NWD2: variants seen among roughly 807,000 people sequenced by gnomAD.
NWD2 encodes the protein NACHT and WD repeat domain-containing protein 2.
NWD2 carries 37 observed loss-of-function variants against 132.7 expected under a neutral mutation model. The ratio of observed to expected loss-of-function variants is 0.28; its 90% CI spans 0.21 to 0.37. The LOEUF (loss-of-function observed/expected upper bound fraction) is 0.37. Ranked by LOEUF, NWD2 falls within the 10% of genes least tolerant of loss-of-function variation. The pLI is 1.00. For synonymous variants in NWD2, 705 were observed against 803.0 expected, an observed-to-expected ratio of 0.88 and a Z score of 2.06; for missense variants, 1,592 against 2,122.4, an observed-to-expected ratio of 0.75 and a Z score of 4.91.
chr4:37,265,105 A>G (rs1015153304), intron 1 of NWD2, among the ~76,000 whole-genome samples: 28 of 152,280 alleles, frequency 1.8e-4, no homozygotes, highest in Middle Eastern at 3.4e-3. Flanking sequence ...AAACTCCCCA[A>G]AAAGCGCGGG....
intron 1 of NWD2, among the ~76,000 whole-genome samples, chr4:37,267,246 C>G (rs1373913836): frequency 6.6e-6 from 1 of 151,956 alleles, no homozygotes; most frequent in Non-Finnish European, 1.5e-5. Flanking sequence ...TTTTCCATAT[C>G]TTGCAAAGAT....
At chr4:37,278,892 G>A (rs1369718465) in intron 1 of NWD2, among the ~76,000 whole-genome samples, 1 of 152,108 alleles carries the variant, frequency 6.6e-6, no homozygotes, top group Non-Finnish European at 1.5e-5. Flanking sequence ...GTTTTGCCAA[G>A]TGCAGCATAC....
Position 37,344,109 on chromosome 4 carries a change from A to T in NWD2, c.241-12257A>T, listed in dbSNP as rs145914357. Reference sequence around the variant, plus strand: ...CAAGTTAGTATTCCAATAAATAGTAAATTAGATTCTAGACTCTGCAGTGCC... The same window carrying T: ...CAAGTTAGTATTCCAATAAATAGTATATTAGATTCTAGACTCTGCAGTGCC... On this transcript the variant is annotated intron_variant, in intron 2 of 6. Coordinates refer to ENST00000309447, the MANE Select transcript of NWD2 (RefSeq NM_001144990.2). 1.3e-4 allele frequency among the ~76,000 whole-genome samples: 20 copies of T among 152,326 alleles called. No individual in the cohort carries two copies. In the East Asian group the frequency reaches 3.7e-3, roughly 28 times the overall value.
At chr4:37,367,025 C>T (rs987084560) in intron 3 of NWD2, among the ~76,000 whole-genome samples, 2 of 152,040 alleles carry the variant, frequency 1.3e-5, no homozygotes, top group South Asian at 4.2e-4. Flanking sequence ...CAAAATATAC[C>T]TTTTTTCAAT....
chr4:37,359,024 C>G (rs868292), intron 3 of NWD2, among the ~76,000 whole-genome samples: 1 of 152,178 alleles, frequency 6.6e-6, no homozygotes, highest in Admixed American at 6.5e-5. Context: ...ATCTCCACAG[C>G]TTTACCGTAA....
intron 3 of NWD2, among the ~76,000 whole-genome samples, chr4:37,381,820 A>G (rs1421816451): frequency 1.3e-5 from 2 of 152,236 alleles, no homozygotes; most frequent in African/African-American, 4.8e-5. Context: ...CAAAGGGAGA[A>G]ATTAAAGTTT....
rs1712531687 is a variant in NWD2, at chr4:37,443,224, G to A, written c.1297-61G>A. The A allele has an allele frequency of 1.5e-6, 2 of 1,376,440 alleles. No individual in the cohort carries two copies. Among genetic ancestry groups the A allele is most frequent in the Admixed American group, 2.2e-5 (1 of 45,746 alleles). The allele number at this position is 1,376,440 out of a possible 1,614,324, so 85.3% of individuals were successfully genotyped here. A position where few individuals can be genotyped will look rare whatever the true frequency, so the allele number is the denominator to read the frequency against. On this transcript the variant is annotated intron_variant, in intron 6 of 6. Transcript: ENST00000309447. This position sits in a 1 kb window ranked among gnomAD's most constrained non-coding sequence, Gnocchi z 4.1. ...AATCTGAGCTCTGGAGAGAGGCAAT[G>A]TTATCACATATGACCATGTGAATAC...
chr4:37,324,846 A>G (rs1719138393), intron 1 of NWD2, among the ~76,000 whole-genome samples: 1 of 152,180 alleles, frequency 6.6e-6, no homozygotes, highest in African/African-American at 2.4e-5. Flanking sequence ...ACAGTAGGAA[A>G]ATAGAGTAGG....
intron 3 of NWD2, among the ~76,000 whole-genome samples, chr4:37,368,572 G>T (rs985517331): frequency 1.4e-4 from 21 of 152,144 alleles, no homozygotes; most frequent in Non-Finnish European, 2.8e-4. Context: ...TATAATATTA[G>T]TTAGCTGCTA....
intron 1 of NWD2, among the ~76,000 whole-genome samples, chr4:37,291,442 A>G (rs1033105946): frequency 6.6e-6 from 1 of 152,174 alleles, no homozygotes; most frequent in African/African-American, 2.4e-5. Flanking sequence ...AGTAGGTTCC[A>G]TACAGATATT....
At chr4:37,414,570 A>C (rs1721226649) in intron 3 of NWD2, among the ~76,000 whole-genome samples, 1 of 152,196 alleles carries the variant, frequency 6.6e-6, no homozygotes, top group South Asian at 2.1e-4. Flanking sequence ...TACCTTGTTT[A>C]ATATCATTCA....
At chr4:37,329,403 G>A (rs73240374) in intron 2 of NWD2, among the ~76,000 whole-genome samples, 28,459 of 152,118 alleles carry the variant, frequency 0.19, 2,770 homozygotes, top group South Asian at 0.32. Flanking sequence ...GGGCATGCCA[G>A]GTAGTCAGAG....
intron 3 of NWD2, among the ~76,000 whole-genome samples, chr4:37,373,007 A>G (rs542040371): frequency 2.6e-5 from 4 of 152,346 alleles, no homozygotes; most frequent in African/African-American, 7.2e-5. Context: ...AGACTAAATC[A>G]AGGAGGAAAT....
Position 37,407,075 on chromosome 4 carries a change from G to T in NWD2, c.358-23497G>T, listed in dbSNP as rs568174792. On this transcript the variant is annotated intron_variant, in intron 3 of 6. Transcript: ENST00000309447. ...CAGGGAGGGGCCTGTCAGCAGGGTG[G>T]GGGGCTAGGGGAAGGAGGGCATTAG... is the stretch of plus-strand genomic sequence containing the variant. Among the ~76,000 whole-genome samples the T allele has an allele frequency of 7.6e-4, 116 of 152,160 alleles. 1 individual carries two copies. Among genetic ancestry groups the T allele is most frequent in the Non-Finnish European group, 1.4e-3 (95 of 67,998 alleles).
chr4:37,262,239 CA>C (rs1422685484), intron 1 of NWD2, among the ~76,000 whole-genome samples: 8 of 152,160 alleles, frequency 5.3e-5, no homozygotes, highest in Non-Finnish European at 8.8e-5. Flanking sequence ...ACCCACAAAG[CA>C]TAAGGATTTT....
At chr4:37,419,633 A>T (rs1192291398) in intron 3 of NWD2, among the ~76,000 whole-genome samples, 1 of 152,220 alleles carries the variant, frequency 6.6e-6, no homozygotes, top group South Asian at 2.1e-4. Flanking sequence ...TTTAAAAACC[A>T]CTTGAAAATA....
chr4:37,323,719 C>G (rs1052248881), intron 1 of NWD2, among the ~76,000 whole-genome samples: 2 of 152,070 alleles, frequency 1.3e-5, no homozygotes, highest in Admixed American at 1.3e-4. Flanking sequence ...GATCATTATA[C>G]CAAAAAGACA....
chr4:37,258,576 G>T (rs1165132675), intron 1 of NWD2, among the ~76,000 whole-genome samples: 5 of 152,194 alleles, frequency 3.3e-5, no homozygotes, highest in African/African-American at 9.6e-5. Context: ...TTTTGAAACA[G>T]AAATGAGTTT....
chr4:37,341,678 A>G (rs2109295079), intron 2 of NWD2, among the ~76,000 whole-genome samples: 1 of 152,136 alleles, frequency 6.6e-6, no homozygotes, highest in Admixed American at 6.5e-5. Flanking sequence ...TTCAAATTCC[A>G]CCTCTACTAC....
Sources: gnomAD v4.1 joint callset for allele counts (sites outside exome capture counted in the v4.1 genomes callset) on GRCh38, gnomAD v4.1.1 for gene constraint, Gnocchi (gnomAD v3.1) non-coding constraint, MANE v1.5 for transcripts, NCBI Gene and HGNC (gene_info 2026-07-23, HGNC 2026-07-21) for gene names.